The following PALLD variants were observed in gnomAD, a reference collection of about 807,000 sequenced individuals.
PALLD encodes the protein palladin, cytoskeletal associated protein, also known as palladin.
In PALLD, 61 loss-of-function variants were observed where a neutral mutation model predicts 123.5. The observed-to-expected ratio is 0.49, with a 90% CI of 0.40 to 0.61. The LOEUF is 0.61. Ranked by LOEUF, PALLD falls within the 20% of genes least tolerant of loss-of-function variation. The pLI is 0.00. For missense variants in PALLD, 1,273 were observed against 1,377.0 expected (o/e 0.92, Z 1.20); for synonymous variants, 465 against 496.4 (o/e 0.94, Z 0.84).
chr4:168,635,319 G>T (rs1776233442), intron 2 of PALLD, among the ~76,000 whole-genome samples: 1 of 152,172 alleles, frequency 6.6e-6, no homozygotes, highest in Non-Finnish European at 1.5e-5. Context: ...GAGACCAGGG[G>T]CTCCTTCTCA....
intron 2 of PALLD, among the ~76,000 whole-genome samples, chr4:168,577,607 T>C (rs1769761287): frequency 1.3e-5 from 2 of 152,178 alleles, no homozygotes; most frequent in Admixed American, 6.5e-5. Context: ...TTGTTTGTTA[T>C]GCTGGGGCAG....
Position 168,644,841 on chromosome 4 carries a change from G to A in PALLD, c.909-23349G>A, listed in dbSNP as rs183018632. Among the ~76,000 whole-genome samples, 215 of 152,204 alleles carry A rather than the reference G, an allele frequency of 1.4e-3. 1 individual carries two copies. Among genetic ancestry groups the A allele is most frequent in the African/African-American group, 4.9e-3 (205 of 41,524 alleles). On this transcript the variant is annotated intron_variant, in intron 2 of 21. Transcript: ENST00000505667. ...ATATCAGCTGGGTGCAGTGGCTCAC[G>A]CCTATAATCCCAGCACTTTGGAAGG...
Position 168,794,514 on chromosome 4 carries a change from A to G in PALLD, c.1964+82591A>G, listed in dbSNP as rs1266712642. ...TGCACGCACACACACACGCACACAC[A>G]CACACACACACACACACACACACAC... On this transcript the variant is annotated intron_variant, in intron 10 of 21. Transcript: ENST00000505667. 8.0e-4 allele frequency among the ~76,000 whole-genome samples: 119 copies of G among 147,922 alleles called. 1 individual carries two copies. In the South Asian group the frequency reaches 0.012, roughly 15 times the overall value.
At chr4:168,752,913 T>C (rs1335388353) in intron 10 of PALLD, among the ~76,000 whole-genome samples, 1 of 150,382 alleles carries the variant, frequency 6.6e-6, no homozygotes, top group East Asian at 1.9e-4. Context: ...ATTTAGAGAG[T>C]GAAAAGAGTA....
Position 168,511,718 on chromosome 4 carries a change from C to A in PALLD, c.214C>A (p.Pro72Thr). Residue 72 changes from proline to threonine, a missense_variant, in exon 2 of 22, where the codon CCT becomes ACT. Around this residue, in one of 2 missense-constraint regions of PALLD, gnomAD observed 944 missense variants for 954.5 expected, o/e 0.99. Transcript: ENST00000505667. ...KEISQIFSTSPASLCEHPSHK... is the reference protein window; with the variant it reads ...KEISQIFSTSTASLCEHPSHK... ...GATCTCGCAGATTTTCAGTACTTCT[C>A]CTGCAAGCCTCTGTGAACATCCTTC... The A allele has an allele frequency of 1.2e-6, 2 of 1,614,178 alleles. No homozygotes were observed. Among genetic ancestry groups the A allele is most frequent in the Non-Finnish European group, 1.7e-6 (2 of 1,180,032 alleles).
chr4:168,501,227 T>C (rs1457540402), intron 1 of PALLD, among the ~76,000 whole-genome samples: 1 of 151,996 alleles, frequency 6.6e-6, no homozygotes, highest in African/African-American at 2.4e-5. Flanking sequence ...TACTGGGCAA[T>C]GAAAGGAGAC....
chr4:168,761,342 C>T (rs759893191), intron 10 of PALLD, among the ~76,000 whole-genome samples: 13 of 152,116 alleles, frequency 8.5e-5, no homozygotes, highest in Non-Finnish European at 1.6e-4. Context: ...TCTGGAGTCT[C>T]TGGCTTATTA....
rs35288783 is a variant in PALLD, at chr4:168,633,718, A to G, written c.909-34472A>G. Among the ~76,000 whole-genome samples the G allele has an allele frequency of 2.2e-3, 330 of 152,324 alleles. 1 individual carries two copies. The highest frequency in any genetic ancestry group is 4.1e-3 in the Non-Finnish European group (282 of 68,022). ...TTTTTAGACACATCCCTCTTGTCTC[A>G]TGGAAGGTTCTGCCGAGTTTTCTTT... On this transcript the variant is annotated intron_variant, in intron 2 of 21. Coordinates refer to ENST00000505667, the MANE Select transcript of PALLD (RefSeq NM_001166108.2).
intron 15 of PALLD, among the ~76,000 whole-genome samples, chr4:168,908,781 G>A (rs372390223): frequency 3.9e-5 from 6 of 152,094 alleles, no homozygotes; most frequent in South Asian, 2.1e-4. Context: ...AAACACAGAC[G>A]GTAGAGCTCT....
intron 3 of PALLD, among the ~76,000 whole-genome samples, chr4:168,672,806 T>C (rs571188717): frequency 9.2e-5 from 14 of 152,224 alleles, no homozygotes; most frequent in African/African-American, 2.6e-4. Context: ...TTCTCACTCA[T>C]ATGTGAAAAC....
intron 10 of PALLD, among the ~76,000 whole-genome samples, chr4:168,796,417 C>T (rs998036649): frequency 5.7e-4 from 87 of 152,324 alleles, no homozygotes; most frequent in African/African-American, 1.7e-3. Context: ...TTCAGTTTGG[C>T]TGTTTCACTT....
chr4:168,684,510 A>G (rs1781844447), intron 5 of PALLD, among the ~76,000 whole-genome samples: 1 of 152,210 alleles, frequency 6.6e-6, no homozygotes, highest in South Asian at 2.1e-4. Context: ...GAGTTTCTTC[A>G]TCTGTAAAAT....
intron 2 of PALLD, among the ~76,000 whole-genome samples, chr4:168,632,051 C>G (rs1412817060): frequency 6.8e-6 from 1 of 146,130 alleles, no homozygotes; most frequent in Non-Finnish European, 1.5e-5. Context: ...CACGGTTTTC[C>G]TAATCCCTTC....
At chr4:168,894,793 A>G in intron 12 of PALLD, 116 bp downstream of exon 12, 7 of 1,518,706 alleles carry the variant, frequency 4.6e-6, no homozygotes, top group South Asian at 1.2e-5. Context: ...CAAGTCACAG[A>G]AAAGCAGTAT....
At chr4:168,532,412 A>G (rs1023835393) in intron 2 of PALLD, among the ~76,000 whole-genome samples, 4 of 152,240 alleles carry the variant, frequency 2.6e-5, no homozygotes, top group African/African-American at 9.6e-5. Flanking sequence ...TTATAGGAAA[A>G]CAAGAACTTG....
chr4:168,523,858 T>A (rs1763803993), intron 2 of PALLD, among the ~76,000 whole-genome samples: 1 of 152,218 alleles, frequency 6.6e-6, no homozygotes, highest in Admixed American at 6.5e-5. Context: ...GTCATCATTC[T>A]AAAGTCACCA....
intron 2 of PALLD, among the ~76,000 whole-genome samples, chr4:168,543,754 C>T (rs138523096): frequency 8.4e-4 from 128 of 152,216 alleles, no homozygotes; most frequent in African/African-American, 3.0e-3. Context: ...TCCAGCCTTT[C>T]GAAAAGTCTT....
At chr4:168,794,818 G>A (rs1044405014) in intron 10 of PALLD, among the ~76,000 whole-genome samples, 20 of 152,272 alleles carry the variant, frequency 1.3e-4, no homozygotes, top group African/African-American at 4.3e-4. Flanking sequence ...GAATATTAGC[G>A]ATCATTAGTA....
rs1561369514 is a variant in PALLD at position 168,666,955 on chromosome 4, C to T, written c.909-1235C>T. On this transcript the variant is annotated intron_variant, in intron 2 of 21. Coordinates refer to ENST00000505667, the MANE Select transcript of PALLD (RefSeq NM_001166108.2). ...CCCAGAATCAAGAAATACTGTCCTGCTCCGTTGCCCCCAAAATAATATGGT... is the reference window on the plus strand; with the variant it reads ...CCCAGAATCAAGAAATACTGTCCTGTTCCGTTGCCCCCAAAATAATATGGT... Among the ~76,000 whole-genome samples, 6 of 152,150 alleles carry T rather than the reference C, an allele frequency of 3.9e-5. No individual in the cohort carries two copies. In the South Asian group the frequency reaches 1.2e-3, roughly 31 times the overall value.
Sources: allele counts gnomAD v4.1 joint callset (sites outside exome capture counted in the v4.1 genomes callset), GRCh38; gene constraint gnomAD v4.1.1; regional missense constraint gnomAD v4.1.1; transcripts MANE v1.5; gene names NCBI Gene and HGNC (gene_info 2026-07-23, HGNC 2026-07-21).